The following DAXX variants were observed in gnomAD, a reference collection of about 807,000 sequenced individuals.
The protein encoded by DAXX is death domain-associated protein 6.
In DAXX, 24 loss-of-function variants were observed where a neutral mutation model predicts 61.9. That is an observed-to-expected ratio of 0.39 (90% confidence interval 0.28 to 0.55). The LOEUF is 0.55. Among genes scored for constraint, DAXX ranks in the 20% least tolerant of loss-of-function variants. DAXX has a pLI of 0.69. For synonymous variants in DAXX, 357 were observed against 369.5 expected, an observed-to-expected ratio of 0.97 and a Z score of 0.39; for missense variants, 819 against 935.3, an observed-to-expected ratio of 0.88 and a Z score of 1.62.
In DAXX at chr6:33,319,441, G is replaced by A. The variant is rs200566552; in HGVS notation, c.1879C>T (p.Pro627Ser). 3.1e-6 allele frequency: 5 copies of A among 1,613,394 alleles called. No individual in the cohort carries two copies. Among genetic ancestry groups the A allele is most frequent in the East Asian group, 4.5e-5 (2 of 44,874 alleles). ...TCCTTCCGAGATTTTTTGCAGGGGG[G>A]ACCAGAATCTCCCCAGTTGTGAGGA... ...VSPHNWGDSG[P>S]PCKKSRKEKK... is the part of the protein sequence containing the mutation. The change falls in exon 6 of 8, where the codon CCC becomes TCC. Residue 627 changes from proline (P) to serine (S), a missense_variant. Physicochemically the swap from Pro to Ser is moderately conservative, Grantham distance 74. Coordinates refer to ENST00000374542, the MANE Select transcript of DAXX (RefSeq NM_001141969.2).
rs2150985296 is a variant in DAXX at position 33,318,668 on chromosome 6, C to T, written c.*75G>A. On this transcript the variant is annotated 3_prime_UTR_variant, in exon 8 of 8. Coordinates refer to ENST00000374542, the MANE Select transcript of DAXX (RefSeq NM_001141969.2). ...AGGGGATTAGCTTAGTCCATCCCTT[C>T]CTCAGTCATCTGCTTCCCACCTTCC... 1.5e-6 allele frequency: 1 copy of T among 650,004 alleles called. No homozygotes were observed. Among genetic ancestry groups the T allele is most frequent in the Non-Finnish European group, 2.7e-6 (1 of 374,278 alleles). 40.3% of individuals were successfully genotyped at this position (650,004 alleles called of 1,614,324 possible).
Position 33,321,592 on chromosome 6 carries a change from AG to A in DAXX, c.208-26del, listed in dbSNP as rs778881986. ...ACTAGAAGGTTCAGGGGAAGAAGGA[AG>A]GGGAAGAGAGACAAGGGAGGGGGTT... On this transcript the variant is annotated intron_variant, in intron 2 of 7. Transcript: ENST00000374542. The surrounding 1 kb of genome is among the most constrained non-coding windows in gnomAD (Gnocchi z 7.2). 1 of 1,600,122 alleles carries A rather than the reference AG, an allele frequency of 6.2e-7. No homozygotes were observed. The highest frequency in any genetic ancestry group is 8.5e-7 in the Non-Finnish European group (1 of 1,169,626).
In DAXX at chr6:33,320,003, T is replaced by A; in HGVS notation, c.1465+8A>T. ...ATGACAGGTGAGGAGAATGTTCCCTTGACATACCTGCTGCTGCTTCTTCCT... is the reference window on the plus strand; with the variant it reads ...ATGACAGGTGAGGAGAATGTTCCCTAGACATACCTGCTGCTGCTTCTTCCT... On this transcript the variant is annotated splice_region_variant and intron_variant, in intron 5 of 7. Coordinates refer to ENST00000374542, the MANE Select transcript of DAXX (RefSeq NM_001141969.2). This position sits in a 1 kb window ranked among gnomAD's most constrained non-coding sequence, Gnocchi z 7.1. 6.2e-7 allele frequency: 1 copy of A among 1,614,046 alleles called. No homozygotes were observed. The highest frequency in any genetic ancestry group is 2.2e-5 in the East Asian group (1 of 44,886).
In DAXX at chr6:33,321,942, C is replaced by G. The variant is rs2151000275; in HGVS notation, c.-17G>C. On this transcript the variant is annotated 5_prime_UTR_variant, in exon 2 of 8. Coordinates refer to ENST00000374542, the MANE Select transcript of DAXX (RefSeq NM_001141969.2). This position sits in a 1 kb window ranked among gnomAD's most constrained non-coding sequence, Gnocchi z 7.2. ...GGTGGCCATAGGGGATCAAATCCCC[C>G]GGAGGGAGGAAGTGGTGGGGATTTC... 2 of 1,597,212 alleles carry G rather than the reference C, an allele frequency of 1.3e-6. No homozygotes were observed. The highest frequency in any genetic ancestry group is 1.7e-6 in the Non-Finnish European group (2 of 1,170,150).
At position 33,319,447 on chromosome 6, in the gene DAXX, A is replaced by C. The variant is rs1031681871; in HGVS notation, c.1873T>G (p.Ser625Ala). The C allele has an allele frequency of 1.9e-6, 3 of 1,613,590 alleles. No individual in the cohort carries two copies. The highest frequency in any genetic ancestry group is 1.7e-5 in the Admixed American group (1 of 60,002). The part of the protein sequence containing the change: ...GGVSPHNWGD[S>A]GPPCKKSRKE... ...CGAGATTTTTTGCAGGGGGGACCAG[A>C]ATCTCCCCAGTTGTGAGGAGAGACG... Residue 625 changes from serine to alanine, a missense_variant, in exon 6 of 8, where the codon TCT becomes GCT. Physicochemically the swap from Ser to Ala is moderately conservative, Grantham distance 99. Transcript: ENST00000374542.
In DAXX at chr6:33,320,330, C is replaced by A. The variant is rs1302449739; in HGVS notation, c.1251+50G>T. The A allele has an allele frequency of 6.9e-7, 1 of 1,459,426 alleles. No individual in the cohort carries two copies. Among genetic ancestry groups the A allele is most frequent in the Non-Finnish European group, 9.6e-7 (1 of 1,038,854 alleles). 90.4% of individuals were successfully genotyped at this position (1,459,426 alleles called of 1,614,324 possible). A position where few individuals can be genotyped will look rare whatever the true frequency, so the allele number is the denominator to read the frequency against. On this transcript the variant is annotated intron_variant, in intron 4 of 7. Transcript: ENST00000374542. The surrounding 1 kb of genome is among the most constrained non-coding windows in gnomAD (Gnocchi z 7.1). ...CAGTCAACCTGGACTCCCTGGTGGC[C>A]AGTGCAGGGGAAGGACAATGTCTCT...
In DAXX at chr6:33,320,159, GTCT is replaced by G. The variant is rs764963647; in HGVS notation, c.1314_1316del (p.Glu438del). The G allele has an allele frequency of 6.2e-6, 10 of 1,612,910 alleles. No homozygotes were observed. In the African/African-American group the frequency reaches 1.2e-4, roughly 19 times the overall value. On this transcript the variant is annotated inframe_deletion, in exon 5 of 8. Transcript: ENST00000374542. The surrounding 1 kb of genome is among the most constrained non-coding windows in gnomAD (Gnocchi z 7.1). ...CCTCTTCCTCATCACTCTCCTCATC[GTCT>G]TCGTCATCTGTCTCAGCTCTGGAGG...
chr6:33,322,080 G>A (rs1770696155), intron 1 of DAXX, 103 bp from the exon 2 acceptor site: 4 of 701,262 alleles, frequency 5.7e-6, no homozygotes, highest in Admixed American at 3.0e-5. Context: ...ATCCAGCCCT[G>A]ACCAACACTG....
rs1221932655 is a variant in DAXX, at chr6:33,321,825, G to A, written c.101C>T (p.Pro34Leu). ...AGAGGAGCTAGGGGCTTCTGCCCCA[G>A]GTGAGGCCGCATTGGGGAGTGGGTG... is the stretch of plus-strand genomic sequence containing the variant. ...PSHPLPNAAS[P>L]GAEAPSSSEP... is the part of the protein sequence containing the mutation. Residue 34 changes from proline (P) to leucine (L), a missense_variant, in exon 2 of 8, where the codon CCT becomes CTT. Physicochemically the swap from Pro to Leu is moderately conservative, Grantham distance 98. Transcript: ENST00000374542. This position sits in a 1 kb window ranked among gnomAD's most constrained non-coding sequence, Gnocchi z 7.2. The A allele has an allele frequency of 6.2e-7, 1 of 1,611,894 alleles. No homozygotes were observed. Among genetic ancestry groups the A allele is most frequent in the Non-Finnish European group, 8.5e-7 (1 of 1,178,424 alleles).
intron 1 of DAXX, 177 bp from the exon 2 acceptor site, chr6:33,322,154 T>G (rs1459071325): frequency 9.0e-4 from 294 of 325,842 alleles, no homozygotes; most frequent in South Asian, 1.6e-3. Flanking sequence ...TCAAGTGGTG[T>G]GGGGGGGGGG....
intron 1 of DAXX, 31 bp downstream of exon 1, chr6:33,322,831 G>GCCTCTTATCCCCCCCCCCTCCCGCCCCCC: frequency 2.8e-6 from 1 of 352,244 alleles, no homozygotes; most frequent in Non-Finnish European, 4.9e-6. Flanking sequence ...CCCCGCCCCC[G>GCCTCTTATCCCCCCCCCCTCCCGCCCCCC]CCTCTGATCC....
In DAXX at chr6:33,319,500, A is replaced by G; in HGVS notation, c.1820T>C (p.Met607Thr). 1 of 1,614,134 alleles carries G rather than the reference A, an allele frequency of 6.2e-7. No individual in the cohort carries two copies. The highest frequency in any genetic ancestry group is 8.5e-7 in the Non-Finnish European group (1 of 1,180,030). ...FTTVLENGAG[M>T]VSSTSFNGGV... is the part of the protein sequence containing the mutation. ...TCCATTGAAGGAAGTAGAAGAGACC[A>G]TGCCTGCTCCATTCTCTAAGACAGT... The change falls in exon 6 of 8, where the codon ATG becomes ACG. Residue 607 changes from methionine (M) to threonine (T), a missense_variant. By Grantham distance (81) the Met-to-Thr change is moderately conservative. Coordinates refer to ENST00000374542, the MANE Select transcript of DAXX (RefSeq NM_001141969.2).
intron 1 of DAXX, 37 bp downstream of exon 1, chr6:33,322,825 G>A (rs1331292456): frequency 9.8e-5 from 54 of 552,562 alleles, no homozygotes; most frequent in Non-Finnish European, 1.4e-4. Flanking sequence ...CTATATCCCC[G>A]CCCCCGCCTC....
At position 33,320,302 on chromosome 6, in the gene DAXX, C is replaced by A. The variant is rs1770411599; in HGVS notation, c.1251+78G>T. The A allele has an allele frequency of 2.1e-6, 3 of 1,430,632 alleles. No individual in the cohort carries two copies. Among genetic ancestry groups the A allele is most frequent in the South Asian group, 2.3e-5 (2 of 87,298 alleles). The allele number at this position is 1,430,632 out of a possible 1,614,324, so 88.6% of individuals were successfully genotyped here. On this transcript the variant is annotated intron_variant, in intron 4 of 7. Coordinates refer to ENST00000374542, the MANE Select transcript of DAXX (RefSeq NM_001141969.2). The surrounding 1 kb of genome is among the most constrained non-coding windows in gnomAD (Gnocchi z 7.1). ...TCTTGCTTTCCTTCTCATGCTCCCC[C>A]ATCAGTCAACCTGGACTCCCTGGTG...
At position 33,320,378 on chromosome 6, in the gene DAXX, AC is replaced by A; in HGVS notation, c.1251+1del. 6.2e-7 allele frequency: 1 copy of A among 1,600,474 alleles called. No homozygotes were observed. Among genetic ancestry groups the A allele is most frequent in the African/African-American group, 1.3e-5 (1 of 74,656 alleles). On this transcript the variant is annotated splice_donor_variant, in intron 4 of 7. Transcript: ENST00000374542. LOFTEE classifies it high-confidence loss of function. The surrounding 1 kb of genome is among the most constrained non-coding windows in gnomAD (Gnocchi z 7.1). ...TCTCTGAAGGCTGTACCCCATCCAC[AC>A]CTCACCAGAATCCAAGGAGGCTTCG...
rs1770623298 is a variant in DAXX, at chr6:33,321,588, AG to A, written c.208-22del. 1 of 1,604,616 alleles carries A rather than the reference AG, an allele frequency of 6.2e-7. No individual in the cohort carries two copies. Among genetic ancestry groups the A allele is most frequent in the African/African-American group, 1.3e-5 (1 of 74,464 alleles). ...AGGAACTAGAAGGTTCAGGGGAAGA[AG>A]GAAGGGGAAGAGAGACAAGGGAGGG... is the stretch of plus-strand genomic sequence containing the variant. On this transcript the variant is annotated intron_variant, in intron 2 of 7. Transcript: ENST00000374542. This position sits in a 1 kb window ranked among gnomAD's most constrained non-coding sequence, Gnocchi z 7.2.
chr6:33,321,748 T>C lies in DAXX; in HGVS notation c.178A>G (p.Lys60Glu). Residue 60 changes from lysine to glutamate, a missense_variant, in exon 2 of 8, where the codon AAG (lysine) becomes GAG (glutamate). Lys to Glu is a moderately conservative substitution (Grantham distance 56, BLOSUM62 1). Transcript: ENST00000374542. The surrounding 1 kb of genome is among the most constrained non-coding windows in gnomAD (Gnocchi z 7.2). Reference protein sequence around the residue: ...SSSSGGKKCYKLENEKLFEEF... With the variant: ...SSSSGGKKCYELENEKLFEEF... ...TCGAACAGCTTCTCATTCTCCAGCTTGTAGCATTTCTTGCCGCCCGAACTA... is the reference window on the plus strand; with the variant it reads ...TCGAACAGCTTCTCATTCTCCAGCTCGTAGCATTTCTTGCCGCCCGAACTA... 6.2e-7 allele frequency: 1 copy of C among 1,613,466 alleles called. No homozygotes were observed. Among genetic ancestry groups the C allele is most frequent in the Non-Finnish European group, 8.5e-7 (1 of 1,179,900 alleles).
intron 6 of DAXX, 58 bp downstream of exon 6, chr6:33,319,322 C>T: frequency 6.4e-7 from 1 of 1,572,598 alleles, no homozygotes; most frequent in South Asian, 1.2e-5. Flanking sequence ...GTATTGCTCT[C>T]CGAAAGTCCC....
rs1221932655 is a variant in DAXX, at chr6:33,321,825, G to C, written c.101C>G (p.Pro34Arg). The stretch of plus-strand genomic sequence containing the variant: ...AGAGGAGCTAGGGGCTTCTGCCCCA[G>C]GTGAGGCCGCATTGGGGAGTGGGTG... ...PSHPLPNAAS[P>R]GAEAPSSSEP... The change falls in exon 2 of 8, where the codon CCT becomes CGT. Residue 34 changes from proline (P) to arginine (R), a missense_variant. Coordinates refer to ENST00000374542, the MANE Select transcript of DAXX (RefSeq NM_001141969.2). The surrounding 1 kb of genome is among the most constrained non-coding windows in gnomAD (Gnocchi z 7.2). 1 of 1,611,894 alleles carries C rather than the reference G, an allele frequency of 6.2e-7. No individual in the cohort carries two copies. Among genetic ancestry groups the C allele is most frequent in the Non-Finnish European group, 8.5e-7 (1 of 1,178,424 alleles).
Sources: allele counts gnomAD v4.1 joint callset, GRCh38; gene constraint gnomAD v4.1.1; non-coding constraint Gnocchi (gnomAD v3.1); transcripts MANE v1.5; gene names NCBI Gene and HGNC (gene_info 2026-07-23, HGNC 2026-07-21).